HS2ST1: variants seen among roughly 807,000 people sequenced by gnomAD.
The protein encoded by HS2ST1 is heparan sulfate 2-O-sulfotransferase 1, also known as 2-O-sulfotransferase.
Under a neutral mutation model 42.9 loss-of-function variants are expected in HS2ST1, and 18 were observed. That is an observed-to-expected ratio of 0.42 (90% CI 0.29 to 0.62). The LOEUF (loss-of-function observed/expected upper bound fraction) is 0.62. Ranked by LOEUF, HS2ST1 falls within the 20% of genes least tolerant of loss-of-function variation. The probability of loss-of-function intolerance (pLI) is 0.21; values close to 1 mark genes in which losing one functional copy is unlikely to be tolerated. For missense variants in HS2ST1, 334 were observed against 433.8 expected, an observed-to-expected ratio of 0.77 and a Z score of 2.04; for synonymous variants, 146 against 152.9, an observed-to-expected ratio of 0.95 and a Z score of 0.33.
At chr1:86,988,929 A>G (rs986788594) in intron 1 of HS2ST1, among the ~76,000 whole-genome samples, 2 of 152,236 alleles carry the variant, frequency 1.3e-5, no homozygotes, top group African/African-American at 2.4e-5. Context: ...TGCGATTGGA[A>G]TACTTCGGAT....
Position 86,915,062 on chromosome 1 carries a change from C to T in HS2ST1, c.26C>T (p.Pro9Leu). MGLLRIMMPPKLQLLAVVA... is the reference protein window; with the variant it reads MGLLRIMMLPKLQLLAVVA... ...ATGGGGCTCCTCAGGATTATGATGC[C>T]GCCCAAGTTGCAGCTGCTGGCGGTG... Residue 9 changes from proline to leucine, a missense_variant, in exon 1 of 7, where the codon CCG becomes CTG. By Grantham distance (98) the Pro-to-Leu change is moderately conservative (BLOSUM62 -3). Coordinates refer to ENST00000370550, the MANE Select transcript of HS2ST1 (RefSeq NM_012262.4). 6.2e-7 allele frequency: 1 copy of T among 1,614,170 alleles called. No individual in the cohort carries two copies. Among genetic ancestry groups the T allele is most frequent in the South Asian group, 1.1e-5 (1 of 91,086 alleles).
intron 1 of HS2ST1, among the ~76,000 whole-genome samples, chr1:86,985,303 C>G (rs943926861): frequency 6.9e-5 from 10 of 144,144 alleles, no homozygotes; most frequent in Admixed American, 1.4e-4. Flanking sequence ...TGCAGTGAGC[C>G]GAGATCGTGC....
At chr1:87,102,733 T>C (rs1311562525) in intron 5 of HS2ST1, among the ~76,000 whole-genome samples, 3 of 152,172 alleles carry the variant, frequency 2.0e-5, no homozygotes, top group Non-Finnish European at 4.4e-5. Context: ...AACCAATTAA[T>C]CACTGTTCCC....
chr1:86,967,884 C>T (rs1648094618), intron 1 of HS2ST1, among the ~76,000 whole-genome samples: 1 of 152,150 alleles, frequency 6.6e-6, no homozygotes, highest in Non-Finnish European at 1.5e-5. Context: ...TACTGTTTTC[C>T]ATAGAGGCTG....
chr1:87,046,663 G>A, intron 1 of HS2ST1: 1 of 1,506,502 alleles, frequency 6.6e-7, no homozygotes, highest in Admixed American at 2.2e-5. Context: ...ATGAACCCCA[G>A]TTAGGCCTGA....
At chr1:86,941,127 G>C (rs907414083) in intron 1 of HS2ST1, among the ~76,000 whole-genome samples, 1 of 152,194 alleles carries the variant, frequency 6.6e-6, no homozygotes, top group Non-Finnish European at 1.5e-5. Flanking sequence ...TTCGTGAATA[G>C]TTACTGATGT....
At chr1:86,993,237 A>T in intron 1 of HS2ST1, 1 of 1,315,884 alleles carries the variant, frequency 7.6e-7, no homozygotes, top group Middle Eastern at 2.1e-4. Flanking sequence ...ATGCAACCAT[A>T]CTTAGAAATC....
chr1:86,947,045 A>G (rs1647360593), intron 1 of HS2ST1, among the ~76,000 whole-genome samples: 1 of 152,230 alleles, frequency 6.6e-6, no homozygotes, highest in Non-Finnish European at 1.5e-5. Context: ...GTTTTGCACC[A>G]GTTTCCTGAG....
intron 1 of HS2ST1, 35 bp downstream of exon 1, chr1:86,915,195 G>A (rs1479818182): frequency 6.3e-7 from 1 of 1,590,690 alleles, no homozygotes; most frequent in South Asian, 1.1e-5. Flanking sequence ...TGAGTGCTGT[G>A]GAAGGGGCCG....
rs551896256 is a variant in HS2ST1, at chr1:87,061,243, A to AT, written c.125-11684dup. ...TATTATAAGATCTCAATATTTGGTAATTTTTTTGAAGTGAAACAAACATAA... is the reference window on the plus strand; with the variant it reads ...TATTATAAGATCTCAATATTTGGTAATTTTTTTTGAAGTGAAACAAACATAA... On this transcript the variant is annotated intron_variant, in intron 1 of 6. Coordinates refer to ENST00000370550, the MANE Select transcript of HS2ST1 (RefSeq NM_012262.4). 1.2e-3 allele frequency among the ~76,000 whole-genome samples: 185 copies of AT among 152,140 alleles called. 1 individual carries two copies. The highest frequency in any genetic ancestry group is 4.1e-3 in the African/African-American group (172 of 41,548).
chr1:87,079,218 A>G (rs958548403), intron 2 of HS2ST1, among the ~76,000 whole-genome samples: 9 of 151,686 alleles, frequency 5.9e-5, no homozygotes, highest in Non-Finnish European at 8.8e-5. Context: ...GCTCACTGCA[A>G]CCTCCACCTC....
chr1:86,957,777 T>C (rs1298550061), intron 1 of HS2ST1, among the ~76,000 whole-genome samples: 1 of 150,928 alleles, frequency 6.6e-6, no homozygotes, highest in African/African-American at 2.5e-5. Context: ...CTGGAAGATA[T>C]TAGAGGTTTT....
At chr1:86,975,175 G>GA (rs1181621907) in intron 1 of HS2ST1, among the ~76,000 whole-genome samples, 1 of 151,822 alleles carries the variant, frequency 6.6e-6, no homozygotes, top group South Asian at 2.1e-4. Context: ...CTTTGGTAGA[G>GA]AAAAAAGTTT....
At chr1:86,966,894 T>TC (rs1475512127) in intron 1 of HS2ST1, among the ~76,000 whole-genome samples, 1 of 84,048 alleles carries the variant, frequency 1.2e-5, no homozygotes, top group Non-Finnish European at 2.5e-5. Flanking sequence ...TAGAGTGCAT[T>TC]CCTTTTTTTT....
intron 1 of HS2ST1, among the ~76,000 whole-genome samples, chr1:86,985,778 C>T (rs2102225876): frequency 6.6e-6 from 1 of 151,954 alleles, no homozygotes; most frequent in South Asian, 2.1e-4. Flanking sequence ...AACTTCTAAA[C>T]CTTTTATGAT....
Position 86,931,418 on chromosome 1 carries a change from G to A in HS2ST1, c.124+16258G>A, listed in dbSNP as rs1415981249. Among the ~76,000 whole-genome samples, 2 of 151,940 alleles carry A rather than the reference G, an allele frequency of 1.3e-5. 1 individual carries two copies. Among genetic ancestry groups the A allele is most frequent in the African/African-American group, 4.8e-5 (2 of 41,410 alleles). On this transcript the variant is annotated intron_variant, in intron 1 of 6. Transcript: ENST00000370550. ...TTTTTGTGGGTAGTGAGGTATTAAA[G>A]TACCAAAAAGATCTCTATATGTAAC... is the stretch of plus-strand genomic sequence containing the variant.
intron 1 of HS2ST1, among the ~76,000 whole-genome samples, chr1:86,943,894 C>T (rs1233440581): frequency 2.6e-5 from 4 of 151,928 alleles, no homozygotes; most frequent in East Asian, 3.9e-4. Flanking sequence ...GGCATGGTGG[C>T]GGGTGCCTGT....
At chr1:86,937,661 C>A (rs1660684107) in intron 1 of HS2ST1, among the ~76,000 whole-genome samples, 2 of 152,036 alleles carry the variant, frequency 1.3e-5, no homozygotes, top group African/African-American at 4.8e-5. Flanking sequence ...TTATTCCTAG[C>A]TGCAGTCTTT....
At chr1:86,951,600 G>A (rs889565082) in intron 1 of HS2ST1, among the ~76,000 whole-genome samples, 11 of 152,188 alleles carry the variant, frequency 7.2e-5, no homozygotes, top group African/African-American at 2.7e-4. Flanking sequence ...GCTGATAGGA[G>A]GACCTTGTGT....
Sources: gnomAD v4.1 joint callset for allele counts (sites outside exome capture counted in the v4.1 genomes callset) on GRCh38, gnomAD v4.1.1 for gene constraint, MANE v1.5 for transcripts, NCBI Gene and HGNC (gene_info 2026-07-23, HGNC 2026-07-21) for gene names.